The following TMPRSS13 variants were observed in gnomAD, a reference collection of about 807,000 sequenced individuals.
TMPRSS13 encodes the protein transmembrane serine protease 13.
A neutral mutation model predicts 68.4 loss-of-function variants in TMPRSS13; 50 were observed. The observed-to-expected ratio is 0.73, with a 90% CI of 0.58 to 0.93. The LOEUF (loss-of-function observed/expected upper bound fraction) is 0.93. Ranked by LOEUF, TMPRSS13 falls within the 40% of genes least tolerant of loss-of-function variation. The pLI is 0.00. For synonymous variants in TMPRSS13, 267 were observed against 285.8 expected (o/e 0.93, Z 0.66); for missense variants, 615 against 729.2 (o/e 0.84, Z 1.80).
Position 117,909,964 on chromosome 11 carries a change from G to A in TMPRSS13, c.951C>T (p.Cys317=), listed in dbSNP as rs368096859. The A allele has an allele frequency of 2.5e-5, 41 of 1,613,666 alleles. No homozygotes were observed. The African/African-American group carries it at 3.2e-4, about 13-fold the overall frequency. ...TCCGCCCGGTCATGGCCCTCAGTCC[G>A]CAGTCTGGAGGGAAGGAGTAGACGT... The part of the protein sequence containing the change: ...QRYISLQCSH[C]GLRAMTGRIV... Residue 317 remains cysteine, a synonymous_variant, in exon 8 of 13, where the codon TGC becomes TGT. Transcript: ENST00000524993.
At chr11:117,913,644 C>G in intron 5 of TMPRSS13, 133 bp downstream of exon 5, 1 of 1,148,828 alleles carries the variant, frequency 8.7e-7, no homozygotes, top group South Asian at 1.7e-5. Context: ...TCGAGGGTGT[C>G]CAGAGCTAGT....
intron 1 of TMPRSS13, among the ~76,000 whole-genome samples, chr11:117,927,376 A>G (rs2057716991): frequency 6.6e-6 from 1 of 152,226 alleles, no homozygotes; most frequent in Non-Finnish European, 1.5e-5. Context: ...AGATGAAGAA[A>G]CTAAGGTACA....
rs1565345210 is a variant in TMPRSS13 at position 117,905,739 on chromosome 11, G to GC, written c.1283-4dup. The GC allele has an allele frequency of 1.3e-6, 2 of 1,592,144 alleles. 1 individual carries two copies. The highest frequency in any genetic ancestry group is 1.7e-6 in the Non-Finnish European group (2 of 1,166,368). On this transcript the variant is annotated splice_region_variant and splice_polypyrimidine_tract_variant and intron_variant, in intron 9 of 12. Transcript: ENST00000524993. ...GAGGCAAGCAGGGTGGATGTGAGCT[G>GC]CAACAAGACCTCCAGACGTCAGTGA... is the stretch of plus-strand genomic sequence containing the variant.
intron 12 of TMPRSS13, among the ~76,000 whole-genome samples, chr11:117,902,617 G>A (rs1326156877): frequency 1.3e-5 from 2 of 152,200 alleles, no homozygotes; most frequent in Admixed American, 6.5e-5. Flanking sequence ...TCCTGACACC[G>A]AAATTCCTGC....
Position 117,901,014 on chromosome 11 carries a change from G to A in TMPRSS13, c.*1225C>T, listed in dbSNP as rs751162329. The A allele has an allele frequency of 2.6e-5, 4 of 152,308 alleles. No individual in the cohort carries two copies. The highest frequency in any genetic ancestry group is 5.9e-5 in the Non-Finnish European group (4 of 68,070). 9.4% of individuals were successfully genotyped at this position (152,308 alleles called of 1,614,324 possible). A position where few individuals can be genotyped will look rare whatever the true frequency, so the allele number is the denominator to read the frequency against. On this transcript the variant is annotated 3_prime_UTR_variant, in exon 13 of 13. Coordinates refer to ENST00000524993, the MANE Select transcript of TMPRSS13 (RefSeq NM_001077263.3). ...GGCACGTTGATGATTTGCAGGAACA[G>A]GGCCAACTTAGATCCTTCAGCAGGG...
At chr11:117,906,401 G>A (rs962774165) in intron 9 of TMPRSS13, among the ~76,000 whole-genome samples, 1 of 152,150 alleles carries the variant, frequency 6.6e-6, no homozygotes, top group South Asian at 2.1e-4. Flanking sequence ...GGGGGACCAG[G>A]GCATTGACCA....
intron 12 of TMPRSS13, 112 bp downstream of exon 12, chr11:117,903,543 A>C (rs1360412525): frequency 6.3e-7 from 1 of 1,574,888 alleles, no homozygotes; most frequent in Non-Finnish European, 8.6e-7. Context: ...ACACCCCCCG[A>C]ATATGGGGAC....
chr11:117,924,975 C>T (rs2057690354), intron 1 of TMPRSS13, among the ~76,000 whole-genome samples: 2 of 152,158 alleles, frequency 1.3e-5, no homozygotes, highest in South Asian at 4.1e-4. Flanking sequence ...GTGGGGGGCA[C>T]GGGGAGCCTC....
intron 12 of TMPRSS13, chr11:117,903,224 A>C: frequency 7.4e-7 from 1 of 1,357,048 alleles, no homozygotes; most frequent in Non-Finnish European, 9.6e-7. Context: ...CAACAACAAC[A>C]AAAAGAAAAT....
intron 1 of TMPRSS13, among the ~76,000 whole-genome samples, chr11:117,924,930 G>C (rs1441071437): frequency 6.6e-6 from 1 of 152,128 alleles, no homozygotes; most frequent in Non-Finnish European, 1.5e-5. Context: ...AACTCTGGAA[G>C]GGGCCAGAGC....
At chr11:117,911,371 C>T (rs148238557) in intron 6 of TMPRSS13, among the ~76,000 whole-genome samples, 54 of 152,200 alleles carry the variant, frequency 3.5e-4, no homozygotes, top group African/African-American at 1.2e-3. Flanking sequence ...GAGAATGGGC[C>T]GAGTAGAGGA....
At position 117,903,457 on chromosome 11, in the gene TMPRSS13, C is replaced by G. The variant is rs559649450; in HGVS notation, c.1677+198G>C. On this transcript the variant is annotated intron_variant, in intron 12 of 12. Coordinates refer to ENST00000524993, the MANE Select transcript of TMPRSS13 (RefSeq NM_001077263.3). ...CTTTTTCAACCCGCTGAGCTCTGTT[C>G]TGAGGGAAGAAAAGCAGGGAAAGAA... 3,509 of 1,537,588 alleles carry G rather than the reference C, an allele frequency of 2.3e-3. 9 individuals carry two copies. The highest frequency in any genetic ancestry group is 2.5e-3 in the Non-Finnish European group (2,831 of 1,146,940).
chr11:117,918,965 C>A, intron 1 of TMPRSS13, 127 bp from the exon 2 acceptor site: 1 of 1,317,116 alleles, frequency 7.6e-7, no homozygotes, highest in Non-Finnish European at 1.0e-6. Flanking sequence ...GCCCCCCGGA[C>A]AAGGAAGCAT....
At chr11:117,927,453 C>T (rs541670759) in intron 1 of TMPRSS13, among the ~76,000 whole-genome samples, 6 of 152,324 alleles carry the variant, frequency 3.9e-5, no homozygotes, top group African/African-American at 1.4e-4. Context: ...CCACGACATG[C>T]AACTTTCTTT....
chr11:117,911,706 G>T, intron 6 of TMPRSS13, 62 bp downstream of exon 6: 1 of 1,407,112 alleles, frequency 7.1e-7, no homozygotes, highest in Non-Finnish European at 1.0e-6. Context: ...CTGACTCAAA[G>T]ACCCTCTCCT....
Position 117,903,643 on chromosome 11 carries a change from C to T in TMPRSS13, c.1677+12G>A, listed in dbSNP as rs750066248. The T allele has an allele frequency of 4.3e-6, 7 of 1,614,028 alleles. No individual in the cohort carries two copies. The South Asian group carries it at 6.6e-5, about 15-fold the overall frequency. ...GCCTGCTGGGTGCAGTGTCCTGCTG[C>T]AGGGATCTTACCTCCATCTTGCTGT... On this transcript the variant is annotated intron_variant, in intron 12 of 12. Transcript: ENST00000524993.
Position 117,902,121 on chromosome 11 carries a change from G to C in TMPRSS13, c.*118C>G, listed in dbSNP as rs2057414820. The C allele has an allele frequency of 1.9e-6, 2 of 1,067,726 alleles. No individual in the cohort carries two copies. Among genetic ancestry groups the C allele is most frequent in the African/African-American group, 1.6e-5 (1 of 63,900 alleles). 66.1% of individuals were successfully genotyped at this position (1,067,726 alleles called of 1,614,324 possible). A position where few individuals can be genotyped will look rare whatever the true frequency, so the allele number is the denominator to read the frequency against. ...ACACACACAGAGGCAGCAGACAGTGGAGGTGGGAGTCCGATGGTGCCCGGT... is the reference window on the plus strand; with the variant it reads ...ACACACACAGAGGCAGCAGACAGTGCAGGTGGGAGTCCGATGGTGCCCGGT... On this transcript the variant is annotated 3_prime_UTR_variant, in exon 13 of 13. Coordinates refer to ENST00000524993, the MANE Select transcript of TMPRSS13 (RefSeq NM_001077263.3).
chr11:117,917,124 C>T (rs1293560399), intron 3 of TMPRSS13, 46 bp downstream of exon 3: 1 of 1,523,320 alleles, frequency 6.6e-7, no homozygotes, highest in East Asian at 2.3e-5. Flanking sequence ...TCCCACTCTG[C>T]CCAGCAGTGC....
chr11:117,914,246 C>A lies in TMPRSS13; in HGVS notation c.679+146G>T, dbSNP rs1244596423. 2.7e-6 allele frequency: 3 copies of A among 1,105,222 alleles called. No homozygotes were observed. The highest frequency in any genetic ancestry group is 4.0e-6 in the Non-Finnish European group (3 of 752,898). The allele number at this position is 1,105,222 out of a possible 1,614,324, so 68.5% of individuals were successfully genotyped here. On this transcript the variant is annotated intron_variant, in intron 4 of 12. Coordinates refer to ENST00000524993, the MANE Select transcript of TMPRSS13 (RefSeq NM_001077263.3). The surrounding 1 kb of genome is among the most constrained non-coding windows in gnomAD (Gnocchi z 4.2). ...ACACACATACGTGCACACACACATA[C>A]ATGCATACACACAAACATGCACATA...
Sources: allele counts gnomAD v4.1 joint callset (sites outside exome capture counted in the v4.1 genomes callset), GRCh38; gene constraint gnomAD v4.1.1; non-coding constraint Gnocchi (gnomAD v3.1); transcripts MANE v1.5; gene names NCBI Gene and HGNC (gene_info 2026-07-23, HGNC 2026-07-21).